The following CLEC2L variants were observed in gnomAD, a reference collection of about 807,000 sequenced individuals.
CLEC2L encodes the protein C-type lectin domain family 2, member L.
In CLEC2L, 14 loss-of-function variants were observed where a neutral mutation model predicts 23.6. The ratio of observed to expected loss-of-function variants is 0.59; its 90% CI spans 0.39 to 0.93. The LOEUF is 0.93. Ranked by LOEUF, CLEC2L falls within the 40% of genes least tolerant of loss-of-function variation. The probability of loss-of-function intolerance (pLI) is 0.00; values close to 1 mark genes in which losing one functional copy is unlikely to be tolerated. For missense variants in CLEC2L, 264 were observed against 282.4 expected (o/e 0.93, Z 0.47); for synonymous variants, 114 against 121.3 (o/e 0.94, Z 0.40).
At chr7:139,542,991 C>A (rs1797759521) in intron 4 of CLEC2L, among the ~76,000 whole-genome samples, 1 of 152,096 alleles carries the variant, frequency 6.6e-6, no homozygotes, top group African/African-American at 2.4e-5. Flanking sequence ...GGGTGGGGAA[C>A]ACAGCTCCTA....
At chr7:139,534,493 G>A (rs1386020720) in intron 1 of CLEC2L, 2 of 780,292 alleles carry the variant, frequency 2.6e-6, no homozygotes, top group Admixed American at 1.7e-5. Context: ...TATAAAAAAA[G>A]ACTGGATTAA....
In CLEC2L at chr7:139,542,747, A is replaced by T. The variant is rs531177503; in HGVS notation, c.533+626A>T. ...GTTTTGTAAGACTCAAGTGGAGTGG[A>T]TGTGAGTGTGTGATGCCAGGTCTGG... is the stretch of plus-strand genomic sequence containing the variant. On this transcript the variant is annotated intron_variant, in intron 4 of 4. Coordinates refer to ENST00000422142, the MANE Select transcript of CLEC2L (RefSeq NM_001080511.4). 2.0e-5 allele frequency among the ~76,000 whole-genome samples: 3 copies of T among 152,128 alleles called. No homozygotes were observed. In the East Asian group the frequency reaches 5.8e-4, roughly 29 times the overall value.
chr7:139,536,131 C>T, intron 1 of CLEC2L, 143 bp from the exon 2 acceptor site: 1 of 640,168 alleles, frequency 1.6e-6, no homozygotes, highest in East Asian at 2.9e-5. Context: ...ATGGTGAAAC[C>T]CCATCTCAAA....
intron 2 of CLEC2L, among the ~76,000 whole-genome samples, chr7:139,537,746 A>G (rs1797679505): frequency 6.6e-6 from 1 of 152,204 alleles, no homozygotes; most frequent in African/African-American, 2.4e-5. Context: ...AAAATGATCC[A>G]TATGTCAAAG....
Position 139,536,280 on chromosome 7 carries a change from CCA to C in CLEC2L, c.201_202del (p.Arg68ProfsTer107). 2 of 1,551,372 alleles carry C rather than the reference CCA, an allele frequency of 1.3e-6. No homozygotes were observed. The highest frequency in any genetic ancestry group is 1.7e-6 in the Non-Finnish European group (2 of 1,146,800). ...CCCCTCTCTCTTCTCCTAGACACCA[CCA>C]CACGCCTCCTGCTGGGTGCCATCGC... On this transcript the variant is annotated frameshift_variant, in exon 2 of 5. Transcript: ENST00000422142. LOFTEE classifies it high-confidence loss of function.
rs1341951172 is a variant in CLEC2L, at chr7:139,544,789, C to T, written c.*447C>T. The T allele has an allele frequency of 6.5e-6, 1 of 153,328 alleles. No homozygotes were observed. Among genetic ancestry groups the T allele is most frequent in the Admixed American group, 6.5e-5 (1 of 15,358 alleles). The allele number at this position is 153,328 out of a possible 1,614,324, so 9.5% of individuals were successfully genotyped here. On this transcript the variant is annotated 3_prime_UTR_variant, in exon 5 of 5. Transcript: ENST00000422142. ...TTCACCCAGCAGCCCCGCTTCCCCA[C>T]TGGTTTCTCTCCTGGCTGCCGGCGG...
chr7:139,535,956 TA>T (rs1454828992), intron 1 of CLEC2L, among the ~76,000 whole-genome samples: 1 of 152,266 alleles, frequency 6.6e-6, no homozygotes, highest in Non-Finnish European at 1.5e-5. Context: ...AGCTGCGCTC[TA>T]CAGCAGTGGA....
chr7:139,540,288 G>A lies in CLEC2L; in HGVS notation c.266-33G>A. 6.3e-7 allele frequency: 1 copy of A among 1,575,692 alleles called. No individual in the cohort carries two copies. The highest frequency in any genetic ancestry group is 1.2e-5 in the South Asian group (1 of 86,630). ...GCAGAGTGGGACTCGGGCTGGGGGGGCGGGCAGGGCCGAGCTGGTCTCTTC... is the reference window on the plus strand; with the variant it reads ...GCAGAGTGGGACTCGGGCTGGGGGGACGGGCAGGGCCGAGCTGGTCTCTTC... On this transcript the variant is annotated intron_variant, in intron 2 of 4. Transcript: ENST00000422142. The surrounding 1 kb of genome is among the most constrained non-coding windows in gnomAD (Gnocchi z 5.8).
chr7:139,533,600 C>G (rs1346493325), intron 1 of CLEC2L, among the ~76,000 whole-genome samples: 2 of 152,174 alleles, frequency 1.3e-5, no homozygotes, highest in Non-Finnish European at 2.9e-5. Flanking sequence ...AAGTGATCTG[C>G]CTGCCTCAGC....
intron 1 of CLEC2L, among the ~76,000 whole-genome samples, chr7:139,525,165 T>C (rs28694590): frequency 0.14 from 20,831 of 151,766 alleles, 3,274 homozygotes; most frequent in African/African-American, 0.39. Flanking sequence ...TTGGACTTTG[T>C]TCTGAAGGGG....
Position 139,523,834 on chromosome 7 carries a change from G to T in CLEC2L, c.-94G>T. The T allele has an allele frequency of 1.2e-6, 1 of 857,470 alleles. No homozygotes were observed. The highest frequency in any genetic ancestry group is 1.4e-6 in the Non-Finnish European group (1 of 715,756). The allele number at this position is 857,470 out of a possible 1,614,324, so 53.1% of individuals were successfully genotyped here. A position where few individuals can be genotyped will look rare whatever the true frequency, so the allele number is the denominator to read the frequency against. On this transcript the variant is annotated 5_prime_UTR_variant, in exon 1 of 5. Coordinates refer to ENST00000422142, the MANE Select transcript of CLEC2L (RefSeq NM_001080511.4). This position sits in a 1 kb window ranked among gnomAD's most constrained non-coding sequence, Gnocchi z 4.1. ...CTAGCCCACCCGAGGCCGGCCTGGG[G>T]GGCCCGCAGGGCGCGCGGAGCGCCG...
At chr7:139,538,850 G>A (rs1199755804) in intron 2 of CLEC2L, among the ~76,000 whole-genome samples, 1 of 152,236 alleles carries the variant, frequency 6.6e-6, no homozygotes, top group African/African-American at 2.4e-5. Context: ...AATTAAATCA[G>A]TTTCCTTTTC....
At chr7:139,530,428 T>C (rs1313828144) in intron 1 of CLEC2L, among the ~76,000 whole-genome samples, 1 of 152,116 alleles carries the variant, frequency 6.6e-6, no homozygotes, top group Non-Finnish European at 1.5e-5. Context: ...ACAGGAGGAC[T>C]GGTTGAAAAT....
chr7:139,536,249 G>T, intron 1 of CLEC2L, 25 bp from the exon 2 acceptor site: 1 of 1,547,536 alleles, frequency 6.5e-7, no homozygotes, highest in Non-Finnish European at 8.7e-7. Context: ...GCGGTGGGAT[G>T]TTGAACCCCT....
At chr7:139,538,673 C>T (rs184642121) in intron 2 of CLEC2L, among the ~76,000 whole-genome samples, 1 of 152,070 alleles carries the variant, frequency 6.6e-6, no homozygotes, top group Non-Finnish European at 1.5e-5. Flanking sequence ...TGCTTGAATC[C>T]GGGAGGCAGA....
chr7:139,544,088 G>T (rs1323129769), intron 4 of CLEC2L, 143 bp from the exon 5 acceptor site: 1 of 636,432 alleles, frequency 1.6e-6, no homozygotes, highest in African/African-American at 1.8e-5. Flanking sequence ...AGAACAGTCT[G>T]TTGGCCCAAA....
At chr7:139,533,768 C>T (rs748827053) in intron 1 of CLEC2L, among the ~76,000 whole-genome samples, 1 of 152,146 alleles carries the variant, frequency 6.6e-6, no homozygotes, top group Admixed American at 6.5e-5. Context: ...TTGTAAAATA[C>T]AATACAAATG....
In CLEC2L at chr7:139,523,802, C is replaced by T; in HGVS notation, c.-126C>T. ...GGGCTCAGCCCCGGCCTGCCAGCGC[C>T]GCGGTCCTAGCCCACCCGAGGCCGG... On this transcript the variant is annotated 5_prime_UTR_variant, in exon 1 of 5. Transcript: ENST00000422142. The surrounding 1 kb of genome is among the most constrained non-coding windows in gnomAD (Gnocchi z 4.1). 2 of 542,176 alleles carry T rather than the reference C, an allele frequency of 3.7e-6. No homozygotes were observed. The highest frequency in any genetic ancestry group is 4.7e-6 in the Non-Finnish European group (2 of 426,914). The allele number at this position is 542,176 out of a possible 1,614,324, so 33.6% of individuals were successfully genotyped here.
rs185329568 is a variant in CLEC2L at position 139,535,952 on chromosome 7, G to A, written c.191-322G>A. Among the ~76,000 whole-genome samples, 266 of 152,342 alleles carry A rather than the reference G, an allele frequency of 1.7e-3. 1 individual carries two copies. Among genetic ancestry groups the A allele is most frequent in the African/African-American group, 6.1e-3 (253 of 41,580 alleles). On this transcript the variant is annotated intron_variant, in intron 1 of 4. Coordinates refer to ENST00000422142, the MANE Select transcript of CLEC2L (RefSeq NM_001080511.4). ...CAGGGAGTCACAGAATCAGAGCTGC[G>A]CTCTACAGCAGTGGATCGCAAACTC...
Sources: gnomAD v4.1 joint callset for allele counts (sites outside exome capture counted in the v4.1 genomes callset) on GRCh38, gnomAD v4.1.1 for gene constraint, Gnocchi (gnomAD v3.1) non-coding constraint, MANE v1.5 for transcripts, NCBI Gene and HGNC (gene_info 2026-07-23, HGNC 2026-07-21) for gene names.